The following BEST1 variants were observed in gnomAD, a reference collection of about 807,000 sequenced individuals.
BEST1 encodes the protein bestrophin-1.
A neutral mutation model predicts 63.3 loss-of-function variants in BEST1; 58 were observed. The ratio of observed to expected loss-of-function variants is 0.92; its 90% CI spans 0.74 to 1.14. The LOEUF is 1.14. Among genes scored for constraint, BEST1 ranks in the 50% most tolerant of loss-of-function variants. The pLI is 0.00. For synonymous variants in BEST1, 283 were observed against 291.6 expected, an observed-to-expected ratio of 0.97 and a Z score of 0.30; for missense variants, 671 against 740.1, an observed-to-expected ratio of 0.91 and a Z score of 1.08.
At chr11:61,949,921 C>T (rs1319978867), upstream of BEST1, 2 of 152,336 alleles carry the variant, frequency 1.3e-5, no homozygotes, top group Non-Finnish European at 2.9e-5. Context: ...TTGACTGCAG[C>T]CCGGTATTCA....
Position 61,959,966 on chromosome 11 carries a change from C to T in BEST1, c.1023C>T (p.Pro341=), listed in dbSNP as rs1801390. The T allele has an allele frequency of 0.024, 39,113 of 1,611,786 alleles. 578 individuals carry two copies. Among genetic ancestry groups the T allele is most frequent in the African/African-American group, 0.033 (2,461 of 74,976 alleles). ...AGCCGGACATGTACTGGAATAAGCC[C>T]GAGCCACAGCCCCCCTACACAGCTG... ...RMEPDMYWNK[P]EPQPPYTAAS... Residue 341 remains proline, a synonymous_variant, in exon 9 of 11, where the codon CCC becomes CCT. Transcript: ENST00000378043.
chr11:61,960,333 A>G, intron 9 of BEST1: 1 of 523,346 alleles, frequency 1.9e-6, no homozygotes, highest in Non-Finnish European at 3.5e-6. Flanking sequence ...TCAGTGATGC[A>G]GTGGAACGTT....
Position 61,953,635 on chromosome 11 carries a change from G to A in BEST1, c.153-1472G>A, listed in dbSNP as rs190322111. Among the ~76,000 whole-genome samples, 34 of 152,230 alleles carry A rather than the reference G, an allele frequency of 2.2e-4. 3 individuals are homozygous for A. In the East Asian group the frequency reaches 6.0e-3, roughly 27 times the overall value. On this transcript the variant is annotated intron_variant, in intron 2 of 10. Coordinates refer to ENST00000378043, the MANE Select transcript of BEST1 (RefSeq NM_004183.4). Reference sequence around the variant, plus strand: ...TGAGGCCGGAGAATCGCTTGAGCCCGGGAGGCAGAGGTTGCAGTGAGCCGA... The same window carrying A: ...TGAGGCCGGAGAATCGCTTGAGCCCAGGAGGCAGAGGTTGCAGTGAGCCGA...
intron 7 of BEST1, 166 bp downstream of exon 7, chr11:61,958,464 G>A: frequency 6.5e-7 from 1 of 1,531,322 alleles, no homozygotes; most frequent in Non-Finnish European, 8.8e-7. Flanking sequence ...GGAGGCTGAG[G>A]CAGGAGAATC....
chr11:61,962,070 C>G, intron 9 of BEST1, 185 bp from the exon 10 acceptor site: 1 of 643,670 alleles, frequency 1.6e-6, no homozygotes, highest in Admixed American at 2.6e-5. Flanking sequence ...TGAGCTGGGC[C>G]TGGAGGGATC....
chr11:61,957,075 G>C (rs937810251), intron 5 of BEST1, 77 bp downstream of exon 5: 2 of 1,602,132 alleles, frequency 1.2e-6, no homozygotes, highest in African/African-American at 2.7e-5. Flanking sequence ...TTCCTACAAA[G>C]AGAAGCCTTG....
rs281865214 is a variant in BEST1, at chr11:61,951,879, C to A, written c.73C>A (p.Arg25=). 14 of 1,613,356 alleles carry A rather than the reference C, an allele frequency of 8.7e-6. No homozygotes were observed. The Admixed American group carries it at 2.3e-4, about 27-fold the overall frequency. Reference sequence around the variant, plus strand: ...CTTCTCCCGCCTGCTGCTGTGCTGGCGGGGCAGCATCTACAAGCTGCTATA... The same window carrying A: ...CTTCTCCCGCCTGCTGCTGTGCTGGAGGGGCAGCATCTACAAGCTGCTATA... ...GSFSRLLLCW[R]GSIYKLLYGE... is the part of the protein sequence containing the mutation. The change falls in exon 2 of 11, where the codon CGG becomes AGG. Residue 25 remains arginine, a synonymous_variant. Transcript: ENST00000378043.
At chr11:61,951,620 A>T (rs1185269581) in intron 1 of BEST1, among the ~76,000 whole-genome samples, 151 bp from the exon 2 acceptor site, 1 of 152,218 alleles carries the variant, frequency 6.6e-6, no homozygotes, top group Non-Finnish European at 1.5e-5. Context: ...TCCAAAAGGC[A>T]GTCAGAACTG....
Position 61,959,557 on chromosome 11 carries a change from G to C in BEST1, c.927G>C (p.Trp309Cys). ...ATGATGATGATTTTGAGACCAACTG[G>C]ATTGTCGACAGGAATTTGCAGGTAT... The part of the protein sequence containing the change: ...GEDDDDFETN[W>C]IVDRNLQVSL... The change falls in exon 8 of 11, where the codon TGG becomes TGC. Residue 309 changes from tryptophan (W) to cysteine (C), a missense_variant. By Grantham distance (215) the Trp-to-Cys change is radical. Transcript: ENST00000378043. 6.2e-7 allele frequency: 1 copy of C among 1,614,192 alleles called. No individual in the cohort carries two copies. The highest frequency in any genetic ancestry group is 1.1e-5 in the South Asian group (1 of 91,082).
At position 61,962,529 on chromosome 11, in the gene BEST1, T is replaced by A. The variant is rs1942176525; in HGVS notation, c.1375T>A (p.Tyr459Asn). The part of the protein sequence containing the change: ...AVDAFKSAPL[Y>N]QRPGYYSAPQ... ...GGACGCCTTCAAGTCTGCCCCACTG[T>A]ATCAGAGGCCAGGCTACTACAGTGC... is the stretch of plus-strand genomic sequence containing the variant. Residue 459 changes from tyrosine (Y) to asparagine (N), a missense_variant, in exon 10 of 11, where the codon TAT (tyrosine) becomes AAT (asparagine). Transcript: ENST00000378043. 6.2e-7 allele frequency: 1 copy of A among 1,614,058 alleles called. No homozygotes were observed. The highest frequency in any genetic ancestry group is 1.7e-5 in the Admixed American group (1 of 60,004).
chr11:61,960,195 C>A, intron 9 of BEST1, 152 bp downstream of exon 9: 1 of 1,107,278 alleles, frequency 9.0e-7, no homozygotes, highest in Middle Eastern at 2.9e-4. Context: ...CTATTTTTTT[C>A]CTCCCAATAA....
rs747841550 is a variant in BEST1 at position 61,958,240 on chromosome 11, A to C, written c.809A>C (p.Asp270Ala). 6 of 1,614,096 alleles carry C rather than the reference A, an allele frequency of 3.7e-6. No homozygotes were observed. The Admixed American group carries it at 1.0e-4, about 27-fold the overall frequency. The stretch of plus-strand genomic sequence containing the variant: ...AAGGCCTACCCTGGCCATGAGCTGG[A>C]CCTCGTTGTGCCCGTCTTCACGTTC... ...PAKAYPGHEL[D>A]LVVPVFTFLQ... The change falls in exon 7 of 11, where the codon GAC becomes GCC. Residue 270 changes from aspartate to alanine, a missense_variant. Transcript: ENST00000378043.
intron 3 of BEST1, 90 bp from the exon 4 acceptor site, chr11:61,955,628 T>C (rs1323639643): frequency 2.9e-6 from 4 of 1,382,132 alleles, no homozygotes; most frequent in Non-Finnish European, 1.0e-6. Context: ...AGCAGAAAGC[T>C]GGAGGAGCCG....
rs1940810602 is a variant in BEST1, at chr11:61,952,488, CA to C, written c.152+531del. ...TTTTTTTTTTTTTTTTTTTTTGAGACAGGGTTTCACTCCATCACCCAGGCTG... is the reference window on the plus strand; with the variant it reads ...TTTTTTTTTTTTTTTTTTTTTGAGACGGGTTTCACTCCATCACCCAGGCTG... On this transcript the variant is annotated intron_variant, in intron 2 of 10. Coordinates refer to ENST00000378043, the MANE Select transcript of BEST1 (RefSeq NM_004183.4). 5.9e-5 allele frequency among the ~76,000 whole-genome samples: 6 copies of C among 101,048 alleles called. No homozygotes were observed. The South Asian group carries it at 1.9e-3, about 32-fold the overall frequency. 66.3% of individuals were successfully genotyped at this position (101,048 alleles called of 152,430 possible). A position where few individuals can be genotyped will look rare whatever the true frequency, so the allele number is the denominator to read the frequency against.
chr11:61,964,329 A>G lies in BEST1; in HGVS notation c.*207A>G. The G allele has an allele frequency of 1.0e-6, 1 of 1,002,796 alleles. No homozygotes were observed. Among genetic ancestry groups the G allele is most frequent in the Non-Finnish European group, 1.4e-6 (1 of 700,184 alleles). 62.1% of individuals were successfully genotyped at this position (1,002,796 alleles called of 1,614,324 possible). On this transcript the variant is annotated 3_prime_UTR_variant, in exon 11 of 11. Coordinates refer to ENST00000378043, the MANE Select transcript of BEST1 (RefSeq NM_004183.4). Reference sequence around the variant, plus strand: ...TATTCATAAAAACTGTGAAAGCTAGACTGAACCATTGGAAACATTTAACTC... The same window carrying G: ...TATTCATAAAAACTGTGAAAGCTAGGCTGAACCATTGGAAACATTTAACTC...
Position 61,958,000 on chromosome 11 carries a change from A to ACAAACAAG in BEST1, c.715-146_715-145insCAAACAAG. ...AACAAACAAACAAACAAACAAACAA[A>ACAAACAAG]GGGGTTAACAGAGCCCCTAAGTCAC... On this transcript the variant is annotated intron_variant, in intron 6 of 10. Coordinates refer to ENST00000378043, the MANE Select transcript of BEST1 (RefSeq NM_004183.4). 2 of 1,331,394 alleles carry ACAAACAAG rather than the reference A, an allele frequency of 1.5e-6. 1 individual carries two copies. Among genetic ancestry groups the ACAAACAAG allele is most frequent in the South Asian group, 2.4e-5 (2 of 81,860 alleles). The allele number at this position is 1,331,394 out of a possible 1,614,324, so 82.5% of individuals were successfully genotyped here. A position where few individuals can be genotyped will look rare whatever the true frequency, so the allele number is the denominator to read the frequency against.
intron 10 of BEST1, 25 bp downstream of exon 10, chr11:61,962,918 GC>G: frequency 6.2e-7 from 1 of 1,614,174 alleles, no homozygotes; most frequent in Non-Finnish European, 8.5e-7. Flanking sequence ...TGAACCAGGG[GC>G]ACTGCATTGC....
Position 61,964,346 on chromosome 11 carries a change from A to G in BEST1, c.*224A>G. 1.1e-6 allele frequency: 1 copy of G among 885,888 alleles called. No individual in the cohort carries two copies. The highest frequency in any genetic ancestry group is 1.7e-6 in the Non-Finnish European group (1 of 596,982). The allele number at this position is 885,888 out of a possible 1,614,324, so 54.9% of individuals were successfully genotyped here. On this transcript the variant is annotated 3_prime_UTR_variant, in exon 11 of 11. Transcript: ENST00000378043. ...AAAGCTAGACTGAACCATTGGAAAC[A>G]TTTAACTCAGACTCTGGATTCAGAG... is the stretch of plus-strand genomic sequence containing the variant.
At chr11:61,964,495 G>T, downstream of BEST1, 1 of 626,564 alleles carries the variant, frequency 1.6e-6, no homozygotes, top group South Asian at 2.0e-5. Context: ...ACTGAACAAC[G>T]GCACTTAAGG....
Sources: gnomAD v4.1 joint callset for allele counts (sites outside exome capture counted in the v4.1 genomes callset) on GRCh38, gnomAD v4.1.1 for gene constraint, MANE v1.5 for transcripts, NCBI Gene and HGNC (gene_info 2026-07-23, HGNC 2026-07-21) for gene names.